PDE4D: variants seen among roughly 807,000 people sequenced by gnomAD.
PDE4D encodes the protein phosphodiesterase 4D, also known as 3',5'-cyclic-AMP phosphodiesterase 4D.
A neutral mutation model predicts 87.4 loss-of-function variants in PDE4D; 24 were observed. That is an observed-to-expected ratio of 0.27 (90% CI 0.20 to 0.39). The LOEUF (loss-of-function observed/expected upper bound fraction) is 0.39. Among genes scored for constraint, PDE4D ranks in the 10% least tolerant of loss-of-function variants. The pLI is 1.00. For missense variants in PDE4D, 714 were observed against 1,041.0 expected, an observed-to-expected ratio of 0.69 and a Z score of 4.32; for synonymous variants, 384 against 383.2, an observed-to-expected ratio of 1.00 and a Z score of -0.02.
intron 1 of PDE4D, among the ~76,000 whole-genome samples, chr5:60,424,706 T>G (rs147011553): frequency 0.016 from 2,367 of 152,212 alleles, 63 homozygotes; most frequent in African/African-American, 0.053. Flanking sequence ...GAGAAAGAAA[T>G]AAAGGGAATT....
At position 60,332,793 on chromosome 5, in the gene PDE4D, T is replaced by C. The variant is rs1382836609; in HGVS notation, c.-89-147106A>G. ...TATATAGATATGGCTATGAGTCATT[T>C]TAAAAAAAAGAGCCTTCTCTCTGTC... is the stretch of plus-strand genomic sequence containing the variant. On this transcript the variant is annotated intron_variant, in intron 1 of 16. Coordinates refer to the PDE4D transcript ENST00000502484. Among the ~76,000 whole-genome samples, 3 of 151,644 alleles carry C rather than the reference T, an allele frequency of 2.0e-5. No homozygotes were observed. In the East Asian group the frequency reaches 5.8e-4, roughly 29 times the overall value.
intron 1 of PDE4D, among the ~76,000 whole-genome samples, chr5:59,502,525 T>C (rs183467442): frequency 1.5e-3 from 222 of 152,216 alleles, no homozygotes; most frequent in African/African-American, 5.0e-3. Context: ...ATATATCTAA[T>C]GAAACATAAA....
chr5:59,325,017 A>G (rs1775389634), intron 1 of PDE4D, among the ~76,000 whole-genome samples: 1 of 152,178 alleles, frequency 6.6e-6, no homozygotes, highest in African/African-American at 2.4e-5. Context: ...AAAAGGATGT[A>G]GAAGTCTTCT....
At chr5:60,087,753 A>G (rs1336897592) in intron 2 of PDE4D, among the ~76,000 whole-genome samples, 1 of 152,086 alleles carries the variant, frequency 6.6e-6, no homozygotes, top group Admixed American at 6.5e-5. Flanking sequence ...ATAAGGGGAC[A>G]CCATCAAGCA....
chr5:59,329,075 G>A (rs1297262201), intron 1 of PDE4D, among the ~76,000 whole-genome samples: 4 of 152,146 alleles, frequency 2.6e-5, no homozygotes, highest in Non-Finnish European at 4.4e-5. Context: ...TGGATGTTTC[G>A]CTAAGGAATC....
intron 2 of PDE4D, among the ~76,000 whole-genome samples, chr5:60,114,669 C>T (rs1474207449): frequency 6.6e-6 from 1 of 152,074 alleles, no homozygotes; most frequent in Non-Finnish European, 1.5e-5. Flanking sequence ...CTTTGCTTTA[C>T]ATGAAGTAAA....
At chr5:59,203,820 C>T (rs962923940) in intron 2 of PDE4D, among the ~76,000 whole-genome samples, 2 of 152,010 alleles carry the variant, frequency 1.3e-5, no homozygotes, top group Admixed American at 6.5e-5. Context: ...GAGAGTAGAA[C>T]AGTTGTTCCC....
intron 3 of PDE4D, among the ~76,000 whole-genome samples, chr5:59,956,422 C>G (rs1382753537): frequency 6.6e-6 from 1 of 152,102 alleles, no homozygotes; most frequent in African/African-American, 2.4e-5. Context: ...ATTTTAGATT[C>G]ATGTCTTGCA....
chr5:59,979,478 AG>A (rs1168726791), intron 3 of PDE4D, among the ~76,000 whole-genome samples: 1 of 150,366 alleles, frequency 6.7e-6, no homozygotes, highest in African/African-American at 2.4e-5. Context: ...ACAACTGTTT[AG>A]GAATTACGTC....
chr5:59,287,710 G>GAC (rs201410781), intron 1 of PDE4D, among the ~76,000 whole-genome samples: 20 of 143,676 alleles, frequency 1.4e-4, no homozygotes, highest in East Asian at 5.2e-4. Flanking sequence ...AGGAAACAGA[G>GAC]ACACACACAG....
rs181834982 is a variant in PDE4D, at chr5:59,947,097, G to A, written c.272+41391C>T. Among the ~76,000 whole-genome samples the A allele has an allele frequency of 1.4e-3, 209 of 152,288 alleles. 1 individual carries two copies. The highest frequency in any genetic ancestry group is 4.9e-3 in the African/African-American group (204 of 41,554). ...TTCTATTTGTTGCCAATGAGACCAA[G>A]CTGGAAACCAAGAATTCCTAAAGGA... On this transcript the variant is annotated intron_variant, in intron 3 of 16. Transcript: ENST00000502484.
intron 1 of PDE4D, among the ~76,000 whole-genome samples, chr5:59,746,196 T>A: frequency 6.6e-6 from 1 of 152,212 alleles, no homozygotes; most frequent in Admixed American, 6.5e-5. Flanking sequence ...AATTTCATAT[T>A]AGAAAATCTG....
Position 59,751,075 on chromosome 5 carries a change from G to T in PDE4D, c.455+142093C>A, listed in dbSNP as rs73758881. On this transcript the variant is annotated intron_variant, in intron 1 of 14. Transcript: ENST00000340635. ...AAACTATTTTTTGAATGGATGAAAA[G>T]AAAATAGGATATTTCACTCCTGACT... Among the ~76,000 whole-genome samples, 950 of 151,738 alleles carry T rather than the reference G, an allele frequency of 6.3e-3. 5 individuals are homozygous for T. Among genetic ancestry groups the T allele is most frequent in the African/African-American group, 0.022 (920 of 41,382 alleles).
chr5:59,707,920 C>T (rs1317914151), intron 1 of PDE4D, among the ~76,000 whole-genome samples: 1 of 152,072 alleles, frequency 6.6e-6, no homozygotes, highest in Non-Finnish European at 1.5e-5. Context: ...AATGAACATA[C>T]CTGTGTATGT....
At chr5:59,118,242 C>T (rs1372979327) in intron 5 of PDE4D, among the ~76,000 whole-genome samples, 1 of 152,192 alleles carries the variant, frequency 6.6e-6, no homozygotes, top group Non-Finnish European at 1.5e-5. Flanking sequence ...CCAAAGGCCA[C>T]TTACTTGCCA....
At chr5:60,398,509 AAG>A (rs1320794186) in intron 1 of PDE4D, among the ~76,000 whole-genome samples, 1 of 152,114 alleles carries the variant, frequency 6.6e-6, no homozygotes, top group Non-Finnish European at 1.5e-5. Flanking sequence ...CTGAGTTCTC[AAG>A]AGAGTTACTG....
At chr5:60,350,749 T>C (rs1759112964) in intron 1 of PDE4D, among the ~76,000 whole-genome samples, 1 of 152,182 alleles carries the variant, frequency 6.6e-6, no homozygotes, top group South Asian at 2.1e-4. Context: ...TAAAACTGTT[T>C]GGGCCAAACA....
intron 1 of PDE4D, among the ~76,000 whole-genome samples, chr5:59,346,118 A>T (rs1779569042): frequency 6.6e-6 from 1 of 152,216 alleles, no homozygotes; most frequent in African/African-American, 2.4e-5. Flanking sequence ...TATATTGTAT[A>T]ATTTCATTCA....
At chr5:59,797,948 A>T (rs1267938317) in intron 1 of PDE4D, among the ~76,000 whole-genome samples, 3 of 152,284 alleles carry the variant, frequency 2.0e-5, no homozygotes, top group African/African-American at 7.2e-5. Flanking sequence ...AAATAGGAGC[A>T]GAAGGCTGGG....
Sources: gnomAD v4.1 joint callset for allele counts (sites outside exome capture counted in the v4.1 genomes callset) on GRCh38, gnomAD v4.1.1 for gene constraint, MANE v1.5 for transcripts, NCBI Gene and HGNC (gene_info 2026-07-23, HGNC 2026-07-21) for gene names.